The following TPP2 variants were observed in gnomAD, a reference collection of about 807,000 sequenced individuals.
TPP2 encodes the protein tripeptidyl-peptidase 2.
In TPP2, 34 loss-of-function variants were observed where a neutral mutation model predicts 155.9. The ratio of observed to expected loss-of-function variants is 0.22; its 90% CI spans 0.17 to 0.29. TPP2 has a LOEUF of 0.29. Among genes scored for constraint, TPP2 ranks in the 10% least tolerant of loss-of-function variants. The pLI, the probability that TPP2 is intolerant of heterozygous loss-of-function variation, is 1.00. For synonymous variants in TPP2, 510 were observed against 529.4 expected (o/e 0.96, Z 0.50); for missense variants, 1,028 against 1,522.3 (o/e 0.68, Z 5.40).
At chr13:102,624,246 G>A (rs2139466865) in intron 6 of TPP2, among the ~76,000 whole-genome samples, 1 of 152,268 alleles carries the variant, frequency 6.6e-6, no homozygotes, top group Non-Finnish European at 1.5e-5. Context: ...GCTCCAGGAT[G>A]GTGGCTACTT....
At chr13:102,625,544 G>C (rs187369027) in intron 6 of TPP2, among the ~76,000 whole-genome samples, 41 of 152,284 alleles carry the variant, frequency 2.7e-4, no homozygotes, top group African/African-American at 9.6e-4. Flanking sequence ...AATTCCAGGT[G>C]CTCTGTATCC....
chr13:102,676,081 GT>G (rs1285213830), intron 28 of TPP2, among the ~76,000 whole-genome samples: 12 of 152,082 alleles, frequency 7.9e-5, no homozygotes, highest in Non-Finnish European at 1.3e-4. Flanking sequence ...TCTCATATTA[GT>G]TTTCTTCCCA....
intron 1 of TPP2, among the ~76,000 whole-genome samples, chr13:102,600,831 T>A (rs993300744): frequency 6.6e-6 from 1 of 151,980 alleles, no homozygotes; most frequent in African/African-American, 2.4e-5. Context: ...CCAAGTTGGG[T>A]TTTGTGTTTT....
At chr13:102,599,035 G>A (rs930448237) in intron 1 of TPP2, among the ~76,000 whole-genome samples, 1 of 152,192 alleles carries the variant, frequency 6.6e-6, no homozygotes. Flanking sequence ...TTTGGGGTGT[G>A]ATTGATCCTG....
intron 8 of TPP2, among the ~76,000 whole-genome samples, chr13:102,628,466 T>G (rs1028102251): frequency 6.6e-6 from 1 of 152,208 alleles, no homozygotes; most frequent in Admixed American, 6.5e-5. Flanking sequence ...CAAAACTTAC[T>G]GTTGGTTGCG....
At position 102,638,268 on chromosome 13, in the gene TPP2, C is replaced by G. The variant is rs754407006; in HGVS notation, c.1866C>G (p.Asn622Lys). 1 of 1,612,844 alleles carries G rather than the reference C, an allele frequency of 6.2e-7. No homozygotes were observed. Among genetic ancestry groups the G allele is most frequent in the South Asian group, 1.1e-5 (1 of 91,068 alleles). ...EVCGYDIASP[N>K]AGPLFRVPIT... The stretch of plus-strand genomic sequence containing the variant: ...GTGGCTATGATATAGCATCCCCTAA[C>G]GCAGGTCCGCTCTTCAGAGTTCCGA... The change falls in exon 15 of 30, where the codon AAC (asparagine) becomes AAG (lysine). Residue 622 changes from asparagine (N) to lysine (K), a missense_variant. Coordinates refer to ENST00000376052, the MANE Select transcript of TPP2 (RefSeq NM_001330588.2).
intron 24 of TPP2, among the ~76,000 whole-genome samples, chr13:102,653,427 C>T (rs562009495): frequency 6.6e-6 from 1 of 152,216 alleles, no homozygotes; most frequent in Non-Finnish European, 1.5e-5. Flanking sequence ...CAGTCTCACT[C>T]TACACTCCAG....
intron 21 of TPP2, 101 bp downstream of exon 21, chr13:102,647,445 C>A: frequency 7.1e-7 from 1 of 1,400,036 alleles, no homozygotes; most frequent in Non-Finnish European, 9.5e-7. Context: ...TTAAAAAAAA[C>A]AAAAATTATA....
At chr13:102,663,138 TAA>T (rs1491435438) in intron 25 of TPP2, among the ~76,000 whole-genome samples, 67 of 56,736 alleles carry the variant, frequency 1.2e-3, no homozygotes, top group African/African-American at 3.8e-3. Flanking sequence ...TTATTTTTTT[TAA>T]TTAATTAATT....
intron 27 of TPP2, among the ~76,000 whole-genome samples, chr13:102,673,154 C>T (rs1198564319): frequency 6.6e-6 from 1 of 152,168 alleles, no homozygotes; most frequent in African/African-American, 2.4e-5. Flanking sequence ...GTTCATGTTC[C>T]CTGCCATGCG....
chr13:102,664,791 C>T lies in TPP2; in HGVS notation c.3241-4C>T. On this transcript the variant is annotated splice_polypyrimidine_tract_variant and splice_region_variant and intron_variant, in intron 26 of 29. Coordinates refer to ENST00000376052, the MANE Select transcript of TPP2 (RefSeq NM_001330588.2). Reference sequence around the variant, plus strand: ...TTTTTTATTATTTCTTTTTTCCTCTCCAGGAACGAATGAAAAGACTTAATG... The same window carrying T: ...TTTTTTATTATTTCTTTTTTCCTCTTCAGGAACGAATGAAAAGACTTAATG... 2 of 1,610,530 alleles carry T rather than the reference C, an allele frequency of 1.2e-6. No individual in the cohort carries two copies. Among genetic ancestry groups the T allele is most frequent in the Non-Finnish European group, 1.7e-6 (2 of 1,179,006 alleles).
intron 1 of TPP2, among the ~76,000 whole-genome samples, chr13:102,599,437 A>G (rs1879259356): frequency 2.6e-5 from 4 of 152,114 alleles, no homozygotes. Flanking sequence ...ATATATGTGT[A>G]CATCATTAAG....
chr13:102,634,639 G>C (rs57142217), intron 11 of TPP2, among the ~76,000 whole-genome samples: 22,683 of 152,012 alleles, frequency 0.15, 2,050 homozygotes, highest in African/African-American at 0.25. Flanking sequence ...TTTCTTCCCC[G>C]CTTTTCTCAC....
rs991266815 is a variant in TPP2 at position 102,600,083 on chromosome 13, A to G, written c.165+2880A>G. Among the ~76,000 whole-genome samples the G allele has an allele frequency of 5.3e-5, 8 of 151,592 alleles. No homozygotes were observed. The East Asian group carries it at 1.4e-3, about 26-fold the overall frequency. On this transcript the variant is annotated intron_variant, in intron 1 of 29. Transcript: ENST00000376052. ...TGTAAAAATTAAAAAAAAAAATTGA[A>G]TGGTATATATGAGGCCATTTGCCAT... is the stretch of plus-strand genomic sequence containing the variant.
At chr13:102,666,396 C>T (rs755101448) in intron 27 of TPP2, among the ~76,000 whole-genome samples, 50 of 152,114 alleles carry the variant, frequency 3.3e-4, no homozygotes, top group Non-Finnish European at 6.3e-4. Context: ...TCATTGTGTT[C>T]CTTTCTGTCT....
At chr13:102,640,117 TTGAACAATATC>T (rs1315922470) in intron 15 of TPP2, among the ~76,000 whole-genome samples, 142 bp from the exon 16 acceptor site, 1 of 148,934 alleles carries the variant, frequency 6.7e-6, no homozygotes, top group African/African-American at 2.6e-5. Context: ...ACTGCAAAAA[TTGAACAATATC>T]GTACCTACTG....
At chr13:102,654,838 C>A in intron 24 of TPP2, 1 of 414,882 alleles carries the variant, frequency 2.4e-6, no homozygotes, top group Admixed American at 2.6e-5. Context: ...TCCATAAGAA[C>A]TTGGTGGTAG....
At chr13:102,659,733 T>C (rs546438318) in intron 25 of TPP2, among the ~76,000 whole-genome samples, 2 of 152,348 alleles carry the variant, frequency 1.3e-5, no homozygotes, top group East Asian at 3.9e-4. Flanking sequence ...GCAGGTGATC[T>C]CTGGCAGTAA....
At chr13:102,638,196 C>A (rs773358944) in intron 14 of TPP2, 43 bp from the exon 15 acceptor site, 2 of 1,565,960 alleles carry the variant, frequency 1.3e-6, no homozygotes, top group Non-Finnish European at 1.8e-6. Flanking sequence ...CTCTTTTAAA[C>A]ATTTGTTTAT....
Sources: allele counts gnomAD v4.1 joint callset (sites outside exome capture counted in the v4.1 genomes callset), GRCh38; gene constraint gnomAD v4.1.1; transcripts MANE v1.5; gene names NCBI Gene and HGNC (gene_info 2026-07-23, HGNC 2026-07-21).